MLPH: variants seen among roughly 807,000 people sequenced by gnomAD.
MLPH encodes the protein melanophilin.
In MLPH, 51 loss-of-function variants were observed where a neutral mutation model predicts 72.1. The ratio of observed to expected loss-of-function variants is 0.71; its 90% CI spans 0.56 to 0.89. The LOEUF (loss-of-function observed/expected upper bound fraction) is 0.89, where lower values mean the gene tolerates loss of function less well. MLPH is among the 40% of genes least tolerant of loss of function. MLPH has a pLI of 0.00. For missense variants in MLPH, 743 were observed against 759.9 expected, an observed-to-expected ratio of 0.98 and a Z score of 0.26; for synonymous variants, 301 against 310.1, an observed-to-expected ratio of 0.97 and a Z score of 0.31.
At chr2:237,518,299 A>G in intron 4 of MLPH, 1 of 604,766 alleles carries the variant, frequency 1.7e-6, no homozygotes. Flanking sequence ...GGATGAGTGG[A>G]TAAATGGGTG....
At chr2:237,532,456 C>T (rs912872734) in intron 8 of MLPH, among the ~76,000 whole-genome samples, 2 of 152,216 alleles carry the variant, frequency 1.3e-5, no homozygotes, top group African/African-American at 2.4e-5. Context: ...GGCCCTGGCA[C>T]GCACCCTCCG....
intron 4 of MLPH, chr2:237,511,685 C>T (rs1039160270): frequency 6.5e-6 from 1 of 154,080 alleles, no homozygotes; most frequent in Non-Finnish European, 1.4e-5. Flanking sequence ...ACAAACATTT[C>T]ACATGAATCT....
intron 6 of MLPH, among the ~76,000 whole-genome samples, chr2:237,524,707 G>A (rs1293173721): frequency 1.3e-5 from 2 of 152,212 alleles, no homozygotes; most frequent in Non-Finnish European, 2.9e-5. Flanking sequence ...CATAGATGCT[G>A]TACCTGGAAG....
chr2:237,549,580 C>G (rs986247305), intron 14 of MLPH, among the ~76,000 whole-genome samples: 6 of 152,176 alleles, frequency 3.9e-5, no homozygotes, highest in Non-Finnish European at 8.8e-5. Flanking sequence ...AGTTCCTGGC[C>G]TTCTAGAAAG....
intron 6 of MLPH, among the ~76,000 whole-genome samples, chr2:237,523,379 C>T (rs1015451329): frequency 6.6e-6 from 1 of 152,150 alleles, no homozygotes; most frequent in African/African-American, 2.4e-5. Context: ...TTCATGTTTG[C>T]TATTTTTATT....
In MLPH at chr2:237,540,449, G is replaced by C. The variant is rs747490586; in HGVS notation, c.1206G>C (p.Ser402=). The change falls in exon 10 of 16, where the codon TCG becomes TCC. Residue 402 remains serine (S), a synonymous_variant. Transcript: ENST00000264605. The part of the protein sequence containing the change: ...LTSNVSDQET[S]SEEEEAKDEK... ...GCAACGTCAGTGACCAGGAGACCTCGTCCGAGGAGGAGGAAGCCAAGGACG... is the reference window on the plus strand; with the variant it reads ...GCAACGTCAGTGACCAGGAGACCTCCTCCGAGGAGGAGGAAGCCAAGGACG... 3.7e-6 allele frequency: 6 copies of C among 1,612,840 alleles called. No homozygotes were observed. Among genetic ancestry groups the C allele is most frequent in the East Asian group, 4.5e-5 (2 of 44,874 alleles).
Position 237,546,646 on chromosome 2 carries a change from C to A in MLPH, c.1580C>A (p.Pro527Gln). ...GTGGCTGGGAAACTTGGCAAGAGAC[C>A]AGAGGACCCAAATGCAGACCCTTCA... is the stretch of plus-strand genomic sequence containing the variant. ...PRVAGKLGKR[P>Q]EDPNADPSSE... Residue 527 changes from proline (P) to glutamine (Q), a missense_variant, in exon 13 of 16, where the codon CCA becomes CAA. Transcript: ENST00000264605. 6.2e-7 allele frequency: 1 copy of A among 1,614,192 alleles called. No homozygotes were observed. Among genetic ancestry groups the A allele is most frequent in the Non-Finnish European group, 8.5e-7 (1 of 1,180,028 alleles).
chr2:237,495,958 T>G (rs576870320), intron 2 of MLPH, among the ~76,000 whole-genome samples: 38 of 152,304 alleles, frequency 2.5e-4, no homozygotes, highest in African/African-American at 8.9e-4. Flanking sequence ...ATCCCCCATT[T>G]CCACATTCTG....
intron 2 of MLPH, among the ~76,000 whole-genome samples, chr2:237,502,174 G>T (rs1361138987): frequency 6.6e-6 from 1 of 152,182 alleles, no homozygotes; most frequent in African/African-American, 2.4e-5. Context: ...GAGTGTTTTA[G>T]ATTCATTCAT....
intron 13 of MLPH, among the ~76,000 whole-genome samples, chr2:237,547,093 G>C (rs1444123332): frequency 6.6e-6 from 1 of 152,228 alleles, no homozygotes; most frequent in Non-Finnish European, 1.5e-5. Flanking sequence ...CGTCAGTCCT[G>C]AGTAAGGGCC....
rs1315077339 is a variant in MLPH at position 237,554,610 on chromosome 2, C to A, written c.*1018C>A. 1.3e-5 allele frequency: 2 copies of A among 152,274 alleles called. No homozygotes were observed. Among genetic ancestry groups the A allele is most frequent in the Admixed American group, 1.3e-4 (2 of 15,278 alleles). The allele number at this position is 152,274 out of a possible 1,614,324, so 9.4% of individuals were successfully genotyped here. ...CTAACAGTAATCACATCTCACCCTCCCTGAGGTTCACTTTAGACAGGACCC... is the reference window on the plus strand; with the variant it reads ...CTAACAGTAATCACATCTCACCCTCACTGAGGTTCACTTTAGACAGGACCC... On this transcript the variant is annotated 3_prime_UTR_variant, in exon 16 of 16. Coordinates refer to ENST00000264605, the MANE Select transcript of MLPH (RefSeq NM_024101.7).
In MLPH at chr2:237,550,839, G is replaced by A. The variant is rs74838503; in HGVS notation, c.1676-1498G>A. Among the ~76,000 whole-genome samples, 1,259 of 152,232 alleles carry A rather than the reference G, an allele frequency of 8.3e-3. 38 individuals carry two copies. In the East Asian group the frequency reaches 0.096, roughly 12 times the overall value. On this transcript the variant is annotated intron_variant, in intron 14 of 15. Coordinates refer to ENST00000264605, the MANE Select transcript of MLPH (RefSeq NM_024101.7). ...GCTGGGATTACAGGCGTGAGCCACC[G>A]TGCCCGGCCAAGAGATTCATGTTTG... is the stretch of plus-strand genomic sequence containing the variant.
At chr2:237,540,268 C>A in intron 9 of MLPH, 80 bp from the exon 10 acceptor site, 1 of 1,512,974 alleles carries the variant, frequency 6.6e-7, no homozygotes, top group Non-Finnish European at 9.1e-7. Flanking sequence ...TGGGCCCTGG[C>A]CCATCTCCCA....
chr2:237,550,306 C>G (rs71424978), intron 14 of MLPH, among the ~76,000 whole-genome samples: 1 of 152,248 alleles, frequency 6.6e-6, no homozygotes, highest in African/African-American at 2.4e-5. Flanking sequence ...CACCCCACCT[C>G]CATGCCAGCT....
chr2:237,534,721 G>T, intron 9 of MLPH, 74 bp downstream of exon 9: 1 of 1,197,160 alleles, frequency 8.4e-7, no homozygotes, highest in Middle Eastern at 1.9e-4. Context: ...GTGTGACATG[G>T]GCTTTTGGGA....
chr2:237,547,332 C>T (rs1229144782), intron 13 of MLPH, among the ~76,000 whole-genome samples: 1 of 150,970 alleles, frequency 6.6e-6, no homozygotes, highest in Non-Finnish European at 1.5e-5. Context: ...GGGAGGAGCT[C>T]CCCGTGTTTA....
chr2:237,507,970 G>T (rs2079811825), intron 2 of MLPH, among the ~76,000 whole-genome samples: 2 of 152,104 alleles, frequency 1.3e-5, no homozygotes, highest in South Asian at 2.1e-4. Context: ...TTCAACACGT[G>T]GCACAAGAGC....
chr2:237,520,311 G>T (rs894454259), intron 6 of MLPH, among the ~76,000 whole-genome samples: 1 of 152,184 alleles, frequency 6.6e-6, no homozygotes, highest in Admixed American at 6.5e-5. Flanking sequence ...GGGGCCCAGG[G>T]ATCGGTGCTT....
At chr2:237,500,750 T>C (rs1471967799) in intron 2 of MLPH, among the ~76,000 whole-genome samples, 1 of 152,100 alleles carries the variant, frequency 6.6e-6, no homozygotes, top group Non-Finnish European at 1.5e-5. Context: ...CCAGGACTCA[T>C]GGCTGTCTCT....
Sources: allele counts gnomAD v4.1 joint callset (sites outside exome capture counted in the v4.1 genomes callset), GRCh38; gene constraint gnomAD v4.1.1; transcripts MANE v1.5; gene names NCBI Gene and HGNC (gene_info 2026-07-23, HGNC 2026-07-21).